AGBL4: variants seen among roughly 807,000 people sequenced by gnomAD.
AGBL4 encodes AGBL carboxypeptidase 4, also known as cytosolic carboxypeptidase 6.
In AGBL4, 58 loss-of-function variants were observed where a neutral mutation model predicts 66.4. The ratio of observed to expected loss-of-function variants is 0.87; its 90% CI spans 0.71 to 1.09. The LOEUF (loss-of-function observed/expected upper bound fraction) is 1.09, where lower values mean the gene tolerates loss of function less well. Ranked by LOEUF, AGBL4 falls within the 50% of genes least tolerant of loss-of-function variation. The probability of loss-of-function intolerance (pLI) is 0.00; values close to 1 mark genes in which losing one functional copy is unlikely to be tolerated. For synonymous variants in AGBL4, 234 were observed against 222.9 expected (o/e 1.05, Z -0.44); for missense variants, 579 against 631.0 (o/e 0.92, Z 0.88).
intron 3 of AGBL4, among the ~76,000 whole-genome samples, chr1:49,551,620 T>G (rs1010698779): frequency 2.6e-5 from 4 of 152,086 alleles, no homozygotes; most frequent in Non-Finnish European, 5.9e-5. Context: ...GTACTGGGGG[T>G]TGTCTGTACA....
intron 6 of AGBL4, among the ~76,000 whole-genome samples, chr1:48,665,440 G>A (rs1646170893): frequency 6.6e-6 from 1 of 152,142 alleles, no homozygotes; most frequent in Non-Finnish European, 1.5e-5. Context: ...GTAGAAGATG[G>A]TTTATAAAGA....
chr1:49,106,186 T>A (rs888938771), intron 4 of AGBL4, among the ~76,000 whole-genome samples: 3 of 152,196 alleles, frequency 2.0e-5, no homozygotes, highest in Admixed American at 1.3e-4. Context: ...TCCAGATATA[T>A]CCATAACGGG....
At chr1:49,980,859 G>A (rs557214799) in intron 1 of AGBL4, among the ~76,000 whole-genome samples, 10 of 152,172 alleles carry the variant, frequency 6.6e-5, no homozygotes, top group African/African-American at 2.2e-4. Context: ...AAAACACTCT[G>A]GCTAATTGTA....
At chr1:48,799,537 T>C (rs112863432) in intron 6 of AGBL4, among the ~76,000 whole-genome samples, 8 of 152,330 alleles carry the variant, frequency 5.3e-5, no homozygotes, top group African/African-American at 1.7e-4. Flanking sequence ...CTATGTTGAA[T>C]AGAAGCAGTG....
intron 3 of AGBL4, among the ~76,000 whole-genome samples, chr1:49,670,315 A>C (rs1355986063): frequency 6.6e-6 from 1 of 152,184 alleles, no homozygotes; most frequent in Non-Finnish European, 1.5e-5. Flanking sequence ...AAACAAAAAA[A>C]CAGCAACTTT....
chr1:49,152,717 A>G (rs1646361051), intron 4 of AGBL4, among the ~76,000 whole-genome samples: 1 of 152,320 alleles, frequency 6.6e-6, no homozygotes, highest in African/African-American at 2.4e-5. Context: ...CCTGTCCCCT[A>G]TTTCAAATAT....
At chr1:49,283,949 G>A (rs1644343986) in intron 3 of AGBL4, among the ~76,000 whole-genome samples, 1 of 149,348 alleles carries the variant, frequency 6.7e-6, no homozygotes, top group South Asian at 2.2e-4. Context: ...CACTCTGCAG[G>A]ATATTATCCA....
intron 1 of AGBL4, among the ~76,000 whole-genome samples, chr1:49,968,276 G>C (rs1233777864): frequency 6.7e-6 from 1 of 148,944 alleles, no homozygotes; most frequent in Non-Finnish European, 1.5e-5. Flanking sequence ...CTCTACAAAA[G>C]AGTATTTTTA....
chr1:48,885,983 A>G (rs924437964), intron 5 of AGBL4, among the ~76,000 whole-genome samples: 63 of 152,304 alleles, frequency 4.1e-4, no homozygotes, highest in African/African-American at 1.5e-3. Flanking sequence ...CCTCATGCAG[A>G]AGCCTCTGCC....
chr1:49,866,511 C>T (rs1366923547), intron 1 of AGBL4, among the ~76,000 whole-genome samples: 13 of 152,126 alleles, frequency 8.5e-5, no homozygotes, highest in Admixed American at 7.9e-4. Context: ...CACTTGTAAT[C>T]CCAGCACTTT....
intron 1 of AGBL4, among the ~76,000 whole-genome samples, chr1:49,965,100 T>C (rs2148350610): frequency 6.6e-6 from 1 of 152,310 alleles, no homozygotes; most frequent in East Asian, 1.9e-4. Flanking sequence ...GCTATTACTA[T>C]TGAAATTATT....
At chr1:49,132,904 A>G (rs555634267) in intron 4 of AGBL4, among the ~76,000 whole-genome samples, 3 of 152,318 alleles carry the variant, frequency 2.0e-5, no homozygotes, top group Admixed American at 2.0e-4. Context: ...TACCGAAAGG[A>G]TTATAAATCA....
chr1:50,009,318 A>G (rs1317525921), intron 1 of AGBL4, among the ~76,000 whole-genome samples: 1 of 152,206 alleles, frequency 6.6e-6, no homozygotes, highest in South Asian at 2.1e-4. Context: ...ATTCATCATG[A>G]CCAAGTGGAA....
intron 9 of AGBL4, among the ~76,000 whole-genome samples, chr1:48,600,305 T>C (rs1366366819): frequency 4.6e-5 from 7 of 152,182 alleles, no homozygotes; most frequent in Admixed American, 1.3e-4. Flanking sequence ...GCCTAGATCC[T>C]ATCTGGAAGA....
chr1:49,580,004 A>G (rs999601387), intron 3 of AGBL4, among the ~76,000 whole-genome samples: 7 of 152,114 alleles, frequency 4.6e-5, no homozygotes, highest in Admixed American at 6.5e-5. Context: ...TATTGGGTGC[A>G]TATGTAGCTA....
chr1:49,015,177 T>C (rs1662719747), intron 5 of AGBL4, among the ~76,000 whole-genome samples: 1 of 152,158 alleles, frequency 6.6e-6, no homozygotes, highest in South Asian at 2.1e-4. Context: ...AGCCCCTGAT[T>C]GTGTTGGGGT....
At chr1:48,744,138 G>A (rs182703098) in intron 6 of AGBL4, among the ~76,000 whole-genome samples, 205 of 152,292 alleles carry the variant, frequency 1.3e-3, no homozygotes, top group Non-Finnish European at 2.2e-3. Context: ...AGGACCAATA[G>A]CATCATCATC....
At chr1:49,063,644 G>A (rs1303046426) in intron 4 of AGBL4, among the ~76,000 whole-genome samples, 1 of 152,136 alleles carries the variant, frequency 6.6e-6, no homozygotes, top group Admixed American at 6.5e-5. Flanking sequence ...TATGGCAGGT[G>A]GTGACAAGTG....
intron 3 of AGBL4, among the ~76,000 whole-genome samples, chr1:49,485,052 T>C (rs1421881577): frequency 2.0e-5 from 3 of 152,026 alleles, no homozygotes; most frequent in African/African-American, 4.8e-5. Flanking sequence ...AGTGTGGCGA[T>C]TCCTCAGGGA....
Sources: allele counts gnomAD v4.1 joint callset (sites outside exome capture counted in the v4.1 genomes callset), GRCh38; gene constraint gnomAD v4.1.1; transcripts MANE v1.5; gene names NCBI Gene and HGNC (gene_info 2026-07-23, HGNC 2026-07-21).